The following PRKG1 variants were observed in gnomAD, a reference collection of about 807,000 sequenced individuals.
PRKG1 encodes the protein cGMP-dependent protein kinase 1.
PRKG1 carries 35 observed loss-of-function variants against 88.1 expected under a neutral mutation model. The ratio of observed to expected loss-of-function variants is 0.40; its 90% CI spans 0.30 to 0.53. The LOEUF (loss-of-function observed/expected upper bound fraction) is 0.53, where lower values mean the gene tolerates loss of function less well. Among genes scored for constraint, PRKG1 ranks in the 20% least tolerant of loss-of-function variants. The pLI is 0.59. For missense variants in PRKG1, 540 were observed against 839.8 expected (o/e 0.64, Z 4.41); for synonymous variants, 303 against 292.5 (o/e 1.04, Z -0.37).
intron 3 of PRKG1, among the ~76,000 whole-genome samples, chr10:51,724,715 G>A (rs1176883052): frequency 1.3e-5 from 2 of 151,992 alleles, no homozygotes; most frequent in Non-Finnish European, 2.9e-5. Context: ...TGTTTCTCGA[G>A]ACAAAGTCTC....
At chr10:52,076,823 AG>A (rs1410367622) in intron 7 of PRKG1, among the ~76,000 whole-genome samples, 3 of 152,240 alleles carry the variant, frequency 2.0e-5, no homozygotes, top group Non-Finnish European at 2.9e-5. Context: ...CAAATAAGCA[AG>A]TGAAAATTGT....
intron 2 of PRKG1, among the ~76,000 whole-genome samples, chr10:51,280,674 G>A (rs920869989): frequency 6.6e-6 from 1 of 152,178 alleles, no homozygotes; most frequent in African/African-American, 2.4e-5. Flanking sequence ...TGAAACTTGT[G>A]CATTCGTCAA....
At position 51,089,379 on chromosome 10, in the gene PRKG1, C is replaced by G. The variant is rs978713523; in HGVS notation, c.311+14478C>G. 3.9e-5 allele frequency among the ~76,000 whole-genome samples: 6 copies of G among 152,276 alleles called. 1 individual carries two copies. The South Asian group carries it at 1.2e-3, about 32-fold the overall frequency. ...AGAACACGTACTAAGAAAATCCTTT[C>G]AAATTTAGATATAATTTTTACTCTC... On this transcript the variant is annotated intron_variant, in intron 1 of 17. Transcript: ENST00000373980.
At chr10:52,153,157 C>T (rs1348912526) in intron 8 of PRKG1, among the ~76,000 whole-genome samples, 4 of 151,968 alleles carry the variant, frequency 2.6e-5, no homozygotes, top group Admixed American at 1.3e-4. Flanking sequence ...ATTTTCAGCC[C>T]ATCCATTGTG....
intron 3 of PRKG1, among the ~76,000 whole-genome samples, chr10:51,516,736 C>T (rs544069504): frequency 1.3e-5 from 2 of 152,326 alleles, no homozygotes; most frequent in African/African-American, 4.8e-5. Flanking sequence ...GTTGACTATG[C>T]TGATGTGACA....
chr10:51,246,484 A>G (rs1839294014), intron 2 of PRKG1, among the ~76,000 whole-genome samples: 1 of 151,934 alleles, frequency 6.6e-6, no homozygotes, highest in African/African-American at 2.4e-5. Flanking sequence ...GACTACTTCC[A>G]TGCTGCACTG....
At chr10:52,153,094 G>T (rs1362296667) in intron 8 of PRKG1, among the ~76,000 whole-genome samples, 1 of 152,174 alleles carries the variant, frequency 6.6e-6, no homozygotes, top group Admixed American at 6.5e-5. Flanking sequence ...AAAGTGAGTG[G>T]TCTAGGACAG....
At chr10:51,523,415 T>C (rs1841788635) in intron 3 of PRKG1, among the ~76,000 whole-genome samples, 1 of 152,322 alleles carries the variant, frequency 6.6e-6, no homozygotes, top group East Asian at 1.9e-4. Context: ...CATTATCTCA[T>C]TGAACATACA....
chr10:51,875,893 A>G (rs1298264393), intron 4 of PRKG1, among the ~76,000 whole-genome samples: 2 of 151,798 alleles, frequency 1.3e-5, no homozygotes, highest in African/African-American at 2.4e-5. Flanking sequence ...AGTGTTATCT[A>G]GAGAGTTATT....
chr10:51,180,704 A>T (rs943245944), intron 2 of PRKG1, among the ~76,000 whole-genome samples: 3 of 152,166 alleles, frequency 2.0e-5, no homozygotes, highest in Non-Finnish European at 4.4e-5. Flanking sequence ...CTGCATACAA[A>T]CAGCTGCTGC....
At chr10:51,424,741 C>T (rs1838524462) in intron 2 of PRKG1, among the ~76,000 whole-genome samples, 1 of 152,094 alleles carries the variant, frequency 6.6e-6, no homozygotes, top group Non-Finnish European at 1.5e-5. Context: ...TTCAAGGGTG[C>T]TTTAAGATGA....
At chr10:51,198,236 T>C (rs917555183) in intron 2 of PRKG1, among the ~76,000 whole-genome samples, 17 of 152,250 alleles carry the variant, frequency 1.1e-4, no homozygotes, top group African/African-American at 4.1e-4. Flanking sequence ...GAGTTTGTCA[T>C]ATCTTCTCCC....
At chr10:51,714,307 G>A (rs1021576968) in intron 3 of PRKG1, among the ~76,000 whole-genome samples, 1 of 152,038 alleles carries the variant, frequency 6.6e-6, no homozygotes, top group African/African-American at 2.4e-5. Flanking sequence ...ACTTATATAG[G>A]GCTTACCATA....
intron 4 of PRKG1, among the ~76,000 whole-genome samples, chr10:51,808,454 A>C (rs1839364998): frequency 6.6e-6 from 1 of 152,034 alleles, no homozygotes; most frequent in African/African-American, 2.4e-5. Context: ...AAATAGAAAA[A>C]TTACCAGGTG....
chr10:52,101,152 GA>G (rs944211933), intron 7 of PRKG1, among the ~76,000 whole-genome samples: 19 of 151,654 alleles, frequency 1.3e-4, no homozygotes, highest in Admixed American at 5.3e-4. Flanking sequence ...TAATACTTCT[GA>G]AAAAAAATCT....
At chr10:51,479,003 C>T (rs1405972390) in intron 3 of PRKG1, among the ~76,000 whole-genome samples, 1 of 151,814 alleles carries the variant, frequency 6.6e-6, no homozygotes, top group South Asian at 2.1e-4. Flanking sequence ...TGTTTAAATA[C>T]GTCAAGATAC....
chr10:52,113,181 G>T (rs1299395158), intron 7 of PRKG1, among the ~76,000 whole-genome samples: 1 of 152,140 alleles, frequency 6.6e-6, no homozygotes, highest in South Asian at 2.1e-4. Flanking sequence ...ATTACTTATT[G>T]TTTACTAAAA....
intron 5 of PRKG1, among the ~76,000 whole-genome samples, chr10:52,026,101 A>T (rs950617748): frequency 6.6e-6 from 1 of 152,030 alleles, no homozygotes; most frequent in Non-Finnish European, 1.5e-5. Context: ...GTGTTGTGAA[A>T]ACTGGCTAGC....
chr10:51,549,606 G>A (rs755418648), intron 3 of PRKG1, among the ~76,000 whole-genome samples: 2 of 152,134 alleles, frequency 1.3e-5, no homozygotes, highest in Non-Finnish European at 2.9e-5. Flanking sequence ...TTGAAAATCA[G>A]ATTACCTGTT....
Sources: gnomAD v4.1 joint callset for allele counts (sites outside exome capture counted in the v4.1 genomes callset) on GRCh38, gnomAD v4.1.1 for gene constraint, MANE v1.5 for transcripts, NCBI Gene and HGNC (gene_info 2026-07-23, HGNC 2026-07-21) for gene names.